The following JARID2 variants were observed in gnomAD, a reference collection of about 807,000 sequenced individuals.
The protein encoded by JARID2 is jumonji and AT-rich interaction domain containing 2.
JARID2 carries 21 observed loss-of-function variants against 125.6 expected under a neutral mutation model. That is an observed-to-expected ratio of 0.17 (90% CI 0.12 to 0.24). JARID2 has a LOEUF of 0.24. Among genes scored for constraint, JARID2 ranks in the 10% least tolerant of loss-of-function variants. The probability of loss-of-function intolerance (pLI) is 1.00; values close to 1 mark genes in which losing one functional copy is unlikely to be tolerated. For missense variants in JARID2, 1,303 were observed against 1,639.6 expected (o/e 0.79, Z 3.55); for synonymous variants, 736 against 661.6 (o/e 1.11, Z -1.73).
chr6:15,475,118 C>A (rs959812731), intron 5 of JARID2, among the ~76,000 whole-genome samples: 1 of 152,176 alleles, frequency 6.6e-6, no homozygotes, highest in Non-Finnish European at 1.5e-5. Flanking sequence ...TCACTGAGGT[C>A]CATTTCTCTG....
intron 1 of JARID2, among the ~76,000 whole-genome samples, chr6:15,273,741 A>G (rs1760389648): frequency 6.6e-6 from 1 of 152,104 alleles, no homozygotes; most frequent in Non-Finnish European, 1.5e-5. Context: ...GCTGTTTCTC[A>G]GGGTAGTTTT....
intron 7 of JARID2, among the ~76,000 whole-genome samples, chr6:15,498,793 G>A (rs1347319051): frequency 6.6e-6 from 1 of 152,202 alleles, no homozygotes; most frequent in Non-Finnish European, 1.5e-5. Flanking sequence ...AGCAGTGCAG[G>A]GAGCAGGCTC....
At chr6:15,369,442 G>T in intron 1 of JARID2, 1 of 306,564 alleles carries the variant, frequency 3.3e-6, no homozygotes, top group Non-Finnish European at 6.8e-6. Context: ...CCTCTAAAGG[G>T]CGTATTCCTG....
intron 5 of JARID2, among the ~76,000 whole-genome samples, chr6:15,479,196 C>A (rs911632964): frequency 1.3e-5 from 2 of 152,150 alleles, no homozygotes; most frequent in African/African-American, 4.8e-5. Context: ...GTGACTGATG[C>A]CCACACAGGC....
chr6:15,438,501 C>T (rs1379759924), intron 3 of JARID2, among the ~76,000 whole-genome samples: 1 of 152,138 alleles, frequency 6.6e-6, no homozygotes, highest in East Asian at 1.9e-4. Context: ...TCCATGATTC[C>T]TCTGCACGTC....
intron 1 of JARID2, among the ~76,000 whole-genome samples, chr6:15,332,029 G>T (rs1291454619): frequency 6.6e-6 from 1 of 152,134 alleles, no homozygotes; most frequent in African/African-American, 2.4e-5. Flanking sequence ...CTGCATGCTT[G>T]ATGCAGGAAC....
chr6:15,280,256 CTCTT>C (rs1288717003), intron 1 of JARID2, among the ~76,000 whole-genome samples: 1 of 152,048 alleles, frequency 6.6e-6, no homozygotes, highest in Non-Finnish European at 1.5e-5. Context: ...AATGTTGGCT[CTCTT>C]TCAGATGTAG....
chr6:15,406,457 T>C (rs541482233), intron 2 of JARID2, among the ~76,000 whole-genome samples: 7 of 152,304 alleles, frequency 4.6e-5, no homozygotes, highest in Admixed American at 3.3e-4. Context: ...GGGGAGCCTA[T>C]GGCCCTTTAA....
intron 1 of JARID2, among the ~76,000 whole-genome samples, chr6:15,249,507 TTC>T (rs771986298): frequency 6.6e-6 from 1 of 152,192 alleles, no homozygotes; most frequent in Non-Finnish European, 1.5e-5. Flanking sequence ...GAGGCTGGCG[TTC>T]TGTTTTCTCT....
At position 15,246,272 on chromosome 6, in the gene JARID2, CGG is replaced by C; in HGVS notation, c.-264_-263del. ...TTTTTGTGTGTGTGTGTATGTGTTTCGGGGGAAATTTTCCATTATGAGTGTTT... is the reference window on the plus strand; with the variant it reads ...TTTTTGTGTGTGTGTGTATGTGTTTCGGGAAATTTTCCATTATGAGTGTTT... On this transcript the variant is annotated 5_prime_UTR_variant, in exon 1 of 18. An upstream open reading frame in the 5' UTR loses its in-frame stop. Coordinates refer to ENST00000341776, the MANE Select transcript of JARID2 (RefSeq NM_004973.4). The C allele has an allele frequency of 2.0e-6, 1 of 501,540 alleles. No individual in the cohort carries two copies. The highest frequency in any genetic ancestry group is 2.5e-5 in the South Asian group (1 of 39,968). 31.1% of individuals were successfully genotyped at this position (501,540 alleles called of 1,614,324 possible).
intron 1 of JARID2, among the ~76,000 whole-genome samples, chr6:15,249,248 T>A (rs745917299): frequency 6.6e-6 from 1 of 152,222 alleles, no homozygotes; most frequent in Non-Finnish European, 1.5e-5. Context: ...TTAGGGGTGC[T>A]TCAGCAGGAT....
At chr6:15,469,360 T>C (rs1561884719) in intron 5 of JARID2, among the ~76,000 whole-genome samples, 27 of 7,670 alleles carry the variant, frequency 3.5e-3, no homozygotes, top group Non-Finnish European at 4.6e-3. Flanking sequence ...TCTCTCTCTC[T>C]CCTCCCCTTC....
chr6:15,443,700 G>T (rs1051720663), intron 3 of JARID2, among the ~76,000 whole-genome samples: 1 of 152,064 alleles, frequency 6.6e-6, no homozygotes, highest in African/African-American at 2.4e-5. Context: ...ACTACATTCA[G>T]GTACCACTTG....
intron 3 of JARID2, among the ~76,000 whole-genome samples, chr6:15,421,755 C>A (rs1766499913): frequency 6.6e-6 from 1 of 152,174 alleles, no homozygotes; most frequent in Non-Finnish European, 1.5e-5. Context: ...TACCATGTCA[C>A]CTTCCATAAG....
At chr6:15,498,136 C>T (rs1224956997) in intron 7 of JARID2, among the ~76,000 whole-genome samples, 1 of 152,190 alleles carries the variant, frequency 6.6e-6, no homozygotes. Flanking sequence ...CTCTAGGGTC[C>T]TGTAGGCCAT....
At chr6:15,409,116 T>A (rs933299006) in intron 2 of JARID2, among the ~76,000 whole-genome samples, 1 of 152,370 alleles carries the variant, frequency 6.6e-6, no homozygotes, top group Middle Eastern at 3.4e-3. Context: ...AATGTTTATG[T>A]ATTTTTTAAT....
intron 1 of JARID2, among the ~76,000 whole-genome samples, chr6:15,348,686 T>A (rs780838739): frequency 3.9e-5 from 6 of 152,246 alleles, no homozygotes; most frequent in Non-Finnish European, 5.9e-5. Context: ...CATTGTTCTT[T>A]ATTCTTCGCT....
chr6:15,472,495 A>G (rs1162666171), intron 5 of JARID2, among the ~76,000 whole-genome samples: 1 of 152,174 alleles, frequency 6.6e-6, no homozygotes, highest in East Asian at 1.9e-4. Flanking sequence ...GTCATCTGTG[A>G]TTAGGCCTGC....
chr6:15,454,240 C>G (rs964841604), intron 4 of JARID2, among the ~76,000 whole-genome samples: 2 of 152,118 alleles, frequency 1.3e-5, no homozygotes, highest in African/African-American at 4.8e-5. Flanking sequence ...CTCCTCACCC[C>G]CTCTCCTTGC....
Sources: allele counts gnomAD v4.1 joint callset (sites outside exome capture counted in the v4.1 genomes callset), GRCh38; gene constraint gnomAD v4.1.1; transcripts MANE v1.5; gene names NCBI Gene and HGNC (gene_info 2026-07-23, HGNC 2026-07-21).